The following LOC122539214 variants were observed in gnomAD, a reference collection of about 807,000 sequenced individuals.
chr19:52,678,565 A>T, the LOC122539214 span, among the ~76,000 whole-genome samples: 4 of 152,054 alleles, frequency 2.6e-5, no homozygotes, highest in African/African-American at 9.7e-5. Flanking sequence ...ATATCCCTGG[A>T]CTTTTAAACA....
chr19:52,687,274 G>A, the LOC122539214 span, among the ~76,000 whole-genome samples: 1 of 145,022 alleles, frequency 6.9e-6, no homozygotes, highest in Non-Finnish European at 1.5e-5. Context: ...AGGATCCTTT[G>A]AGCCCAGGAT....
the LOC122539214 span, among the ~76,000 whole-genome samples, chr19:52,668,327 A>G: frequency 6.6e-6 from 1 of 152,192 alleles, no homozygotes; most frequent in African/African-American, 2.4e-5. Context: ...CATCAGAATC[A>G]TGGGCCACTG....
the LOC122539214 span, chr19:52,653,324 C>A: frequency 7.7e-7 from 1 of 1,304,682 alleles, no homozygotes; most frequent in Non-Finnish European, 1.1e-6. Context: ...TAAGGTTTCT[C>A]TCCAGTATGA....
chr19:52,687,420 A>T, the LOC122539214 span, among the ~76,000 whole-genome samples: 46 of 46,036 alleles, frequency 1.0e-3, 4 homozygotes, highest in African/African-American at 8.1e-3. Context: ...AAATTATAAT[A>T]TAAATTATAA....
At chr19:52,676,726 C>T in the LOC122539214 span, among the ~76,000 whole-genome samples, 10 of 139,032 alleles carry the variant, frequency 7.2e-5, no homozygotes, top group East Asian at 6.0e-4. Context: ...CGGATGGTTG[C>T]CGTGTCTGTG....
At chr19:52,685,937 CTTCTGGAACAGCA>C in the LOC122539214 span, among the ~76,000 whole-genome samples, 89 of 150,086 alleles carry the variant, frequency 5.9e-4, 2 homozygotes, top group African/African-American at 2.0e-3. Context: ...TACAGGAGTG[CTTCTGGAACAGCA>C]TTCCATGCCA....
chr19:52,686,176 A>G, the LOC122539214 span, among the ~76,000 whole-genome samples: 1 of 152,166 alleles, frequency 6.6e-6, no homozygotes, highest in African/African-American at 2.4e-5. Context: ...TGTATGAGGT[A>G]CCAAAGTTTT....
the LOC122539214 span, among the ~76,000 whole-genome samples, chr19:52,657,130 A>G: frequency 6.6e-6 from 1 of 151,782 alleles, no homozygotes; most frequent in South Asian, 2.1e-4. Flanking sequence ...ACCCTCCCAA[A>G]AGTTGGAAGC....
At chr19:52,671,576 G>A in the LOC122539214 span, among the ~76,000 whole-genome samples, 1 of 151,988 alleles carries the variant, frequency 6.6e-6, no homozygotes, top group Non-Finnish European at 1.5e-5. Flanking sequence ...CCAACTAGCT[G>A]GAGCTGCAGG....
the LOC122539214 span, among the ~76,000 whole-genome samples, chr19:52,687,982 T>C: frequency 6.6e-6 from 1 of 151,990 alleles, no homozygotes; most frequent in Admixed American, 6.6e-5. Context: ...GGATTCCAAC[T>C]GGAAGCTAAC....
chr19:52,678,970 T>A, the LOC122539214 span, among the ~76,000 whole-genome samples: 1 of 97,578 alleles, frequency 1.0e-5, no homozygotes, highest in Non-Finnish European at 2.1e-5. Context: ...CAAGACTCCA[T>A]CTCAAAAAAA....
the LOC122539214 span, among the ~76,000 whole-genome samples, chr19:52,670,261 C>T: frequency 1.3e-5 from 2 of 152,126 alleles, no homozygotes; most frequent in African/African-American, 4.8e-5. Context: ...CACCCTCATT[C>T]CATAACATTT....
the LOC122539214 span, among the ~76,000 whole-genome samples, chr19:52,657,412 C>T: frequency 6.6e-6 from 1 of 151,988 alleles, no homozygotes; most frequent in African/African-American, 2.4e-5. Context: ...AGTTCGGAGA[C>T]CAGCCTCATC....
the LOC122539214 span, among the ~76,000 whole-genome samples, chr19:52,687,465 AATTTATATATC>A: frequency 6.5e-3 from 584 of 90,004 alleles, 229 homozygotes; most frequent in African/African-American, 0.026. Flanking sequence ...TATAAATTAT[AATTTATATATC>A]TATATAAATT....
chr19:52,658,033 G>A, the LOC122539214 span, among the ~76,000 whole-genome samples: 3 of 151,658 alleles, frequency 2.0e-5, no homozygotes, highest in African/African-American at 7.3e-5. Flanking sequence ...CTATTCAAAA[G>A]GCTAAGGCAG....
the LOC122539214 span, among the ~76,000 whole-genome samples, chr19:52,679,395 G>T: frequency 6.6e-6 from 1 of 152,214 alleles, no homozygotes; most frequent in African/African-American, 2.4e-5. Context: ...TGGGTCACCT[G>T]TGGTCAGGAG....
chr19:52,671,722 C>G, the LOC122539214 span, among the ~76,000 whole-genome samples: 5 of 152,186 alleles, frequency 3.3e-5, no homozygotes, highest in Non-Finnish European at 5.9e-5. Flanking sequence ...GGGTTACAGG[C>G]AAGCCACCAC....
chr19:52,661,686 G>A, the LOC122539214 span, among the ~76,000 whole-genome samples: 1 of 152,182 alleles, frequency 6.6e-6, no homozygotes, highest in Non-Finnish European at 1.5e-5. Context: ...CCCACCTTCT[G>A]GCTCTGCTCT....
the LOC122539214 span, chr19:52,650,755 G>A: frequency 6.6e-6 from 1 of 152,180 alleles, no homozygotes; most frequent in Non-Finnish European, 1.5e-5. Context: ...ACTTCCTAAG[G>A]CTGGGACAAA....
Sources: allele counts gnomAD v4.1 joint callset (sites outside exome capture counted in the v4.1 genomes callset), GRCh38; gene constraint gnomAD v4.1.1; transcripts MANE v1.5.